PTPRD: variants seen among roughly 807,000 people sequenced by gnomAD.
PTPRD encodes protein tyrosine phosphatase receptor type D, also known as receptor-type tyrosine-protein phosphatase delta.
PTPRD carries 34 observed loss-of-function variants against 214.5 expected under a neutral mutation model. That is an observed-to-expected ratio of 0.16 (90% CI 0.12 to 0.21). The LOEUF is 0.21. Among genes scored for constraint, PTPRD ranks in the 10% least tolerant of loss-of-function variants. PTPRD has a pLI of 1.00. For synonymous variants in PTPRD, 1,128 were observed against 845.7 expected, an observed-to-expected ratio of 1.33 and a Z score of -5.79; for missense variants, 2,545 against 2,398.7, an observed-to-expected ratio of 1.06 and a Z score of -1.27.
intron 7 of PTPRD, among the ~76,000 whole-genome samples, chr9:9,669,418 G>C (rs1482271481): frequency 1.3e-5 from 2 of 152,100 alleles, no homozygotes; most frequent in Non-Finnish European, 2.9e-5. Context: ...GAAAGAAGGA[G>C]ACCAAAAGAT....
intron 11 of PTPRD, among the ~76,000 whole-genome samples, chr9:8,969,414 T>A (rs756791267): frequency 6.6e-6 from 1 of 152,088 alleles, no homozygotes; most frequent in Non-Finnish European, 1.5e-5. Context: ...AAAGGATTCA[T>A]ATGCACAGAA....
At chr9:8,582,381 T>G (rs1332051123) in intron 14 of PTPRD, among the ~76,000 whole-genome samples, 1 of 152,172 alleles carries the variant, frequency 6.6e-6, no homozygotes, top group Non-Finnish European at 1.5e-5. Context: ...GCAATAATCA[T>G]AAAGGAAATC....
intron 2 of PTPRD, among the ~76,000 whole-genome samples, chr9:10,468,716 G>C (rs947189746): frequency 2.0e-4 from 31 of 152,008 alleles, no homozygotes; most frequent in African/African-American, 6.8e-4. Flanking sequence ...ACTCTTGAGA[G>C]GATGTCTTTC....
intron 39 of PTPRD, among the ~76,000 whole-genome samples, chr9:8,342,302 A>C (rs780533564): frequency 6.6e-6 from 1 of 152,128 alleles, no homozygotes; most frequent in Non-Finnish European, 1.5e-5. Flanking sequence ...AAAAAAATAC[A>C]AACATTTAGT....
intron 11 of PTPRD, among the ~76,000 whole-genome samples, chr9:8,969,886 C>T (rs1174170753): frequency 6.6e-6 from 1 of 151,916 alleles, no homozygotes; most frequent in Non-Finnish European, 1.5e-5. Context: ...TATCCAACTA[C>T]TAATTACAAC....
chr9:10,437,303 TA>T (rs1200095541), intron 2 of PTPRD, among the ~76,000 whole-genome samples: 2 of 151,858 alleles, frequency 1.3e-5, no homozygotes, highest in African/African-American at 4.8e-5. Flanking sequence ...TTACATACAT[TA>T]AATAGATTGC....
At chr9:8,950,711 T>TC (rs897482974) in intron 11 of PTPRD, among the ~76,000 whole-genome samples, 12 of 151,872 alleles carry the variant, frequency 7.9e-5, no homozygotes, top group Non-Finnish European at 1.8e-4. Context: ...TTTTTCTTTT[T>TC]TTTTTTTTAA....
chr9:8,770,817 C>G (rs1310109400), intron 11 of PTPRD, among the ~76,000 whole-genome samples: 1 of 152,044 alleles, frequency 6.6e-6, no homozygotes, highest in Admixed American at 6.6e-5. Context: ...CAATAGAAAC[C>G]TGAAAACTTT....
intron 2 of PTPRD, among the ~76,000 whole-genome samples, chr9:10,593,735 T>C (rs1374242560): frequency 6.6e-6 from 1 of 152,010 alleles, no homozygotes; most frequent in African/African-American, 2.4e-5. Context: ...GAAATGTTAA[T>C]GAATGATTTT....
At chr9:9,595,202 G>A (rs1305898281) in intron 7 of PTPRD, among the ~76,000 whole-genome samples, 1 of 150,450 alleles carries the variant, frequency 6.6e-6, no homozygotes, top group African/African-American at 2.4e-5. Flanking sequence ...ACTAAAAGTA[G>A]AACTACCATT....
intron 2 of PTPRD, among the ~76,000 whole-genome samples, chr9:10,491,868 C>T (rs541807917): frequency 6.6e-6 from 1 of 152,192 alleles, no homozygotes; most frequent in African/African-American, 2.4e-5. Context: ...CTCCTAGTCC[C>T]ACACCCCACA....
chr9:10,569,485 G>C (rs1005968543), intron 2 of PTPRD, among the ~76,000 whole-genome samples: 2 of 150,964 alleles, frequency 1.3e-5, no homozygotes, highest in African/African-American at 4.9e-5. Context: ...AATTCATCCT[G>C]TATACTTGTG....
rs563912205 is a variant in PTPRD, at chr9:10,419,254, T to A, written c.-599-78237A>T. Among the ~76,000 whole-genome samples the A allele has an allele frequency of 2.6e-5, 4 of 152,028 alleles. No homozygotes were observed. The South Asian group carries it at 6.2e-4, about 24-fold the overall frequency. ...CATCAGTGGTCAAAAAAGATGGCCA[T>A]GTGTCTTTTAAGCTTTCTGCTAGTT... On this transcript the variant is annotated intron_variant, in intron 2 of 45. Transcript: ENST00000381196.
intron 8 of PTPRD, among the ~76,000 whole-genome samples, chr9:9,503,584 C>T (rs985892959): frequency 6.6e-6 from 1 of 151,736 alleles, no homozygotes; most frequent in Non-Finnish European, 1.5e-5. Context: ...TAGTCAACTA[C>T]AGTAAATATT....
At chr9:9,204,234 A>G (rs753963220) in intron 9 of PTPRD, among the ~76,000 whole-genome samples, 11 of 152,234 alleles carry the variant, frequency 7.2e-5, no homozygotes, top group Non-Finnish European at 2.9e-5. Flanking sequence ...AAATGTAGTT[A>G]GTAAATATGC....
intron 3 of PTPRD, among the ~76,000 whole-genome samples, chr9:10,270,297 G>A (rs10958990): frequency 0.086 from 13,117 of 152,080 alleles, 676 homozygotes; most frequent in Non-Finnish European, 0.11. Flanking sequence ...TTATTATGCT[G>A]ATATAGCATT....
At chr9:9,574,186 C>T (rs543739993) in intron 8 of PTPRD, among the ~76,000 whole-genome samples, 3 of 151,734 alleles carry the variant, frequency 2.0e-5, no homozygotes, top group Admixed American at 6.6e-5. Context: ...TTTTGACAAA[C>T]CTTATTGAAT....
chr9:9,014,000 G>A (rs961412972), intron 11 of PTPRD, among the ~76,000 whole-genome samples: 1 of 151,300 alleles, frequency 6.6e-6, no homozygotes, highest in Non-Finnish European at 1.5e-5. Context: ...ACTCTTGGCT[G>A]CTGCATTTTT....
At chr9:10,175,333 C>G (rs933805067) in intron 3 of PTPRD, among the ~76,000 whole-genome samples, 1 of 152,034 alleles carries the variant, frequency 6.6e-6, no homozygotes, top group African/African-American at 2.4e-5. Flanking sequence ...AAGCATCTGG[C>G]TTACCCATGG....
Sources: gnomAD v4.1 joint callset for allele counts (sites outside exome capture counted in the v4.1 genomes callset) on GRCh38, gnomAD v4.1.1 for gene constraint, MANE v1.5 for transcripts, NCBI Gene and HGNC (gene_info 2026-07-23, HGNC 2026-07-21) for gene names.